Variants in ASTN2 observed in about 807,000 individuals in gnomAD.
ASTN2 encodes the protein astrotactin 2.
Under a neutral mutation model 139.8 loss-of-function variants are expected in ASTN2, and 54 were observed. That is an observed-to-expected ratio of 0.39 (90% CI 0.31 to 0.48). The LOEUF is 0.48. Among genes scored for constraint, ASTN2 ranks in the 20% least tolerant of loss-of-function variants. ASTN2 has a pLI of 0.95. For missense variants in ASTN2, 1,565 were observed against 1,725.1 expected, an observed-to-expected ratio of 0.91 and a Z score of 1.64; for synonymous variants, 756 against 719.5, an observed-to-expected ratio of 1.05 and a Z score of -0.81.
chr9:117,395,472 T>C (rs1830652789), intron 1 of ASTN2, among the ~76,000 whole-genome samples: 1 of 152,186 alleles, frequency 6.6e-6, no homozygotes, highest in Admixed American at 6.5e-5. Flanking sequence ...ACAGGAACTC[T>C]TGGCAGCCCG....
chr9:117,045,975 T>TACGTAC (rs1564399754), intron 5 of ASTN2, among the ~76,000 whole-genome samples: 7 of 102,150 alleles, frequency 6.9e-5, no homozygotes, highest in South Asian at 2.7e-4. Context: ...TATGTATGTA[T>TACGTAC]GTATGTACGT....
At chr9:116,871,899 G>A (rs1257805858) in intron 10 of ASTN2, among the ~76,000 whole-genome samples, 1 of 152,116 alleles carries the variant, frequency 6.6e-6, no homozygotes, top group African/African-American at 2.4e-5. Flanking sequence ...TAGATAAGAG[G>A]GCAAGTTTGT....
intron 2 of ASTN2, among the ~76,000 whole-genome samples, chr9:117,238,063 C>T (rs1277382397): frequency 6.6e-6 from 1 of 152,180 alleles, no homozygotes; most frequent in African/African-American, 2.4e-5. Context: ...AATCCACCAT[C>T]TCATGTAGCT....
At chr9:116,968,557 T>G (rs1265665318) in intron 10 of ASTN2, among the ~76,000 whole-genome samples, 1 of 152,070 alleles carries the variant, frequency 6.6e-6, no homozygotes, top group African/African-American at 2.4e-5. Context: ...TCTCCCTTCA[T>G]CAACTGCCAT....
intron 4 of ASTN2, among the ~76,000 whole-genome samples, chr9:117,118,037 G>T (rs1564434288): frequency 6.6e-6 from 1 of 152,148 alleles, no homozygotes; most frequent in Non-Finnish European, 1.5e-5. Context: ...AAAGTGCCAG[G>T]TTGTTCAAAG....
At chr9:117,234,446 G>A (rs147136586) in intron 2 of ASTN2, among the ~76,000 whole-genome samples, 15 of 152,290 alleles carry the variant, frequency 9.8e-5, no homozygotes, top group Non-Finnish European at 2.2e-4. Context: ...ACAGCAGCTA[G>A]AAGGAAACCC....
chr9:116,440,627 T>A lies in ASTN2; in HGVS notation c.3764A>T (p.Glu1255Val). ...EKFGDFVWRS[E>V]DELGPRKAHL... ...CCCATACCTGGGCCCCAGCTCATCC[T>A]CACTTCTCCAGACGAAGTCGCCAAA... is the stretch of plus-strand genomic sequence containing the variant. Residue 1255 changes from glutamate (E) to valine (V), a missense_variant, in exon 22 of 23, where the codon GAG (glutamate) becomes GTG (valine). Around this residue, in one of 4 missense-constraint regions of ASTN2, gnomAD observed 418 missense variants for 465.8 expected, o/e 0.90. Coordinates refer to ENST00000313400, the MANE Select transcript of ASTN2 (RefSeq NM_001365068.1). 6.2e-7 allele frequency: 1 copy of A among 1,613,618 alleles called. No individual in the cohort carries two copies. The highest frequency in any genetic ancestry group is 8.5e-7 in the Non-Finnish European group (1 of 1,180,022).
intron 3 of ASTN2, among the ~76,000 whole-genome samples, chr9:117,204,850 T>A (rs908609520): frequency 1.6e-4 from 25 of 152,134 alleles, no homozygotes; most frequent in Admixed American, 1.3e-4. Context: ...AAAACTAAAA[T>A]ATATAGGAAG....
chr9:117,086,529 G>A (rs1479336856), intron 5 of ASTN2, among the ~76,000 whole-genome samples: 6 of 152,220 alleles, frequency 3.9e-5, no homozygotes, highest in South Asian at 4.1e-4. Context: ...AGCTGAGATC[G>A]TACCATTGCA....
In ASTN2 at chr9:116,698,970, A is replaced by G; in HGVS notation, c.2806+26801T>C. On this transcript the variant is annotated intron_variant, in intron 16 of 22. Coordinates refer to ENST00000313400, the MANE Select transcript of ASTN2 (RefSeq NM_001365068.1). The surrounding 1 kb of genome is among the most constrained non-coding windows in gnomAD (Gnocchi z 4.4). ...AGGCTTTTTGAAGGAAATCCGCCGC[A>G]GCCCCAGTGGCATTGATAGCTTTGT... 6.2e-7 allele frequency: 1 copy of G among 1,614,196 alleles called. No homozygotes were observed. The highest frequency in any genetic ancestry group is 8.5e-7 in the Non-Finnish European group (1 of 1,180,042).
intron 16 of ASTN2, among the ~76,000 whole-genome samples, chr9:116,661,644 G>A (rs1423290438): frequency 6.6e-6 from 1 of 152,118 alleles, no homozygotes; most frequent in Non-Finnish European, 1.5e-5. Flanking sequence ...AAGACAGTAA[G>A]AGAAAAAATT....
intron 4 of ASTN2, among the ~76,000 whole-genome samples, chr9:117,125,979 C>T (rs1004504701): frequency 5.3e-5 from 8 of 151,978 alleles, no homozygotes; most frequent in Non-Finnish European, 8.8e-5. Flanking sequence ...GACAATTAGA[C>T]CTTGTACATC....
intron 17 of ASTN2, among the ~76,000 whole-genome samples, chr9:116,647,697 G>T (rs16933793): frequency 2.0e-5 from 3 of 152,286 alleles, no homozygotes; most frequent in Non-Finnish European, 4.4e-5. Context: ...TCACTGGAGC[G>T]AGTTCACAGA....
At chr9:116,651,444 A>G (rs952802233) in intron 17 of ASTN2, 84 bp downstream of exon 17, 1 of 1,460,592 alleles carries the variant, frequency 6.8e-7, no homozygotes. Flanking sequence ...CATGATGACA[A>G]TACCCCTGGA....
At chr9:116,486,501 G>A (rs932618244) in intron 20 of ASTN2, among the ~76,000 whole-genome samples, 1 of 152,198 alleles carries the variant, frequency 6.6e-6, no homozygotes, top group African/African-American at 2.4e-5. Flanking sequence ...TTAAATGGAT[G>A]AGTGAATGAA....
intron 11 of ASTN2, among the ~76,000 whole-genome samples, chr9:116,840,937 G>A (rs969869536): frequency 7.2e-5 from 11 of 152,016 alleles, no homozygotes; most frequent in Non-Finnish European, 1.5e-4. Flanking sequence ...CAGACGATAG[G>A]CGGCCAGGCG....
chr9:116,965,726 G>A (rs1472811786), intron 10 of ASTN2, among the ~76,000 whole-genome samples: 1 of 152,142 alleles, frequency 6.6e-6, no homozygotes, highest in African/African-American at 2.4e-5. Flanking sequence ...TCTGTCCCCT[G>A]AATCCCAAAC....
At chr9:117,151,101 G>T (rs977757562) in intron 3 of ASTN2, among the ~76,000 whole-genome samples, 1 of 151,900 alleles carries the variant, frequency 6.6e-6, no homozygotes, top group Non-Finnish European at 1.5e-5. Context: ...TGGCTCAAGG[G>T]GTCCTCCCAC....
At chr9:116,876,534 C>G (rs767036326) in intron 10 of ASTN2, among the ~76,000 whole-genome samples, 1 of 152,218 alleles carries the variant, frequency 6.6e-6, no homozygotes, top group Non-Finnish European at 1.5e-5. Flanking sequence ...GACTACATCA[C>G]ATCCTACAGC....
Sources: allele counts gnomAD v4.1 joint callset (sites outside exome capture counted in the v4.1 genomes callset), GRCh38; gene constraint gnomAD v4.1.1; regional missense constraint gnomAD v4.1.1; non-coding constraint Gnocchi (gnomAD v3.1); transcripts MANE v1.5; gene names NCBI Gene and HGNC (gene_info 2026-07-23, HGNC 2026-07-21).